Variants in IGSF5 observed in about 807,000 individuals in gnomAD.
IGSF5 encodes immunoglobulin superfamily member 5.
Under a neutral mutation model 39.4 loss-of-function variants are expected in IGSF5, and 41 were observed. The observed-to-expected ratio is 1.04, with a 90% CI of 0.81 to 1.35. IGSF5 has a LOEUF of 1.35. Ranked by LOEUF, IGSF5 falls within the 40% of genes most tolerant of loss-of-function variation. The pLI is 0.00. For synonymous variants in IGSF5, 183 were observed against 175.3 expected, an observed-to-expected ratio of 1.04 and a Z score of -0.34; for missense variants, 487 against 494.6, an observed-to-expected ratio of 0.98 and a Z score of 0.15.
chr21:39,728,464 T>C, the IGSF5 span, among the ~76,000 whole-genome samples: 13 of 152,278 alleles, frequency 8.5e-5, no homozygotes, highest in Admixed American at 4.6e-4. Flanking sequence ...CCTACATTTT[T>C]CAGAGGGAGC....
the IGSF5 span, among the ~76,000 whole-genome samples, chr21:39,718,095 T>G: frequency 1.2e-3 from 184 of 151,652 alleles, no homozygotes; most frequent in Middle Eastern, 3.4e-3. Flanking sequence ...TATTTTTTTT[T>G]TGTGTGTGTC....
chr21:39,798,237 G>C (rs1236308022), intron 8 of IGSF5, among the ~76,000 whole-genome samples: 4 of 152,200 alleles, frequency 2.6e-5, no homozygotes, highest in Non-Finnish European at 5.9e-5. Flanking sequence ...TTTGGAAAGG[G>C]AAGAGTGGCA....
At chr21:39,725,512 G>A in the IGSF5 span, among the ~76,000 whole-genome samples, 186 of 152,226 alleles carry the variant, frequency 1.2e-3, no homozygotes, top group African/African-American at 4.3e-3. Flanking sequence ...AAAGGGCTAC[G>A]GACAGTCTTG....
intron 8 of IGSF5, among the ~76,000 whole-genome samples, chr21:39,798,814 G>C (rs1001402288): frequency 6.6e-6 from 1 of 152,216 alleles, no homozygotes; most frequent in Non-Finnish European, 1.5e-5. Flanking sequence ...ACACTGCCAC[G>C]GAGATGAGCA....
At chr21:39,737,734 G>A in the IGSF5 span, among the ~76,000 whole-genome samples, 1 of 152,188 alleles carries the variant, frequency 6.6e-6, no homozygotes, top group South Asian at 2.1e-4. Context: ...GATATGTATC[G>A]TTGCAGCGTG....
At chr21:39,724,322 A>T in the IGSF5 span, among the ~76,000 whole-genome samples, 2 of 152,090 alleles carry the variant, frequency 1.3e-5, no homozygotes, top group Admixed American at 6.6e-5. Context: ...AATTCTAGCT[A>T]CTGTGTTATG....
chr21:39,795,491 G>C (rs2060386325), intron 8 of IGSF5, among the ~76,000 whole-genome samples: 1 of 151,590 alleles, frequency 6.6e-6, no homozygotes, highest in Admixed American at 6.6e-5. Context: ...GAGGGTATAA[G>C]CTGGGAGGAG....
intron 2 of IGSF5, among the ~76,000 whole-genome samples, chr21:39,758,607 C>G (rs1031524725): frequency 2.0e-5 from 3 of 152,182 alleles, no homozygotes; most frequent in African/African-American, 7.2e-5. Flanking sequence ...CTCTTCCTCA[C>G]CACCCCAGCG....
rs528291218 is a variant in IGSF5 at position 39,766,711 on chromosome 21, T to C, written c.418+859T>C. 2.5e-3 allele frequency among the ~76,000 whole-genome samples: 376 copies of C among 152,344 alleles called. 3 individuals carry two copies. Among genetic ancestry groups the C allele is most frequent in the Non-Finnish European group, 4.3e-3 (290 of 68,026 alleles). On this transcript the variant is annotated intron_variant, in intron 3 of 8. Transcript: ENST00000380588. ...AAGGATGCTTTACAAAGATTTGGAATAGTCTTACCAAAATTTAATCACTTT... is the reference window on the plus strand; with the variant it reads ...AAGGATGCTTTACAAAGATTTGGAACAGTCTTACCAAAATTTAATCACTTT...
At chr21:39,755,499 A>G (rs2898385) in intron 2 of IGSF5, among the ~76,000 whole-genome samples, 123,186 of 150,886 alleles carry the variant, frequency 0.82, 50,454 homozygotes, top group Admixed American at 0.86. Context: ...AGGCAGGAGA[A>G]TGGCATGAAC....
At chr21:39,782,515 T>C (rs978349109) in intron 5 of IGSF5, among the ~76,000 whole-genome samples, 3 of 152,164 alleles carry the variant, frequency 2.0e-5, no homozygotes, top group Admixed American at 6.5e-5. Flanking sequence ...TAACTCCCTA[T>C]TCCCGCTTCC....
the IGSF5 span, among the ~76,000 whole-genome samples, chr21:39,713,171 TAACTG>T: frequency 6.6e-6 from 1 of 152,194 alleles, no homozygotes; most frequent in Non-Finnish European, 1.5e-5. Context: ...TCACAGGAGT[TAACTG>T]AAGGGAAAGC....
chr21:39,724,311 A>G, the IGSF5 span, among the ~76,000 whole-genome samples: 1 of 152,170 alleles, frequency 6.6e-6, no homozygotes, highest in African/African-American at 2.4e-5. Flanking sequence ...ACATTTGACT[A>G]AATTCTAGCT....
chr21:39,777,761 C>A (rs566636581), intron 4 of IGSF5, among the ~76,000 whole-genome samples: 5 of 152,258 alleles, frequency 3.3e-5, no homozygotes, highest in African/African-American at 9.6e-5. Context: ...CAGCTGACTG[C>A]CTGGTGCATA....
intron 3 of IGSF5, 45 bp from the exon 4 acceptor site, chr21:39,770,871 A>T (rs1601131508): frequency 1.3e-5 from 15 of 1,199,774 alleles, no homozygotes; most frequent in Non-Finnish European, 1.3e-5. Context: ...TAGAAGCGAG[A>T]GGCATGGTCA....
intron 4 of IGSF5, among the ~76,000 whole-genome samples, chr21:39,776,121 A>G (rs1320962159): frequency 6.6e-6 from 1 of 152,200 alleles, no homozygotes; most frequent in Non-Finnish European, 1.5e-5. Flanking sequence ...TCTATTTTTC[A>G]GTATACAGTA....
intron 4 of IGSF5, among the ~76,000 whole-genome samples, chr21:39,778,610 T>G (rs1423272116): frequency 6.6e-6 from 1 of 152,218 alleles, no homozygotes; most frequent in African/African-American, 2.4e-5. Flanking sequence ...TAAGTTCCTT[T>G]AGAAGTGACT....
At chr21:39,777,991 A>G (rs1219149603) in intron 4 of IGSF5, among the ~76,000 whole-genome samples, 1 of 152,212 alleles carries the variant, frequency 6.6e-6, no homozygotes, top group Non-Finnish European at 1.5e-5. Context: ...AAAGACTAGT[A>G]TCTAACAAAA....
upstream of IGSF5, among the ~76,000 whole-genome samples, chr21:39,744,908 G>A (rs940019197): frequency 1.3e-5 from 2 of 152,232 alleles, no homozygotes; most frequent in Admixed American, 6.5e-5. Flanking sequence ...AAGGCTATGG[G>A]TTGTCAGTGG....
Sources: gnomAD v4.1 joint callset for allele counts (sites outside exome capture counted in the v4.1 genomes callset) on GRCh38, gnomAD v4.1.1 for gene constraint, MANE v1.5 for transcripts, NCBI Gene and HGNC (gene_info 2026-07-23, HGNC 2026-07-21) for gene names.